USP39: variants seen among roughly 807,000 people sequenced by gnomAD.
USP39 encodes ubiquitin carboxyl-terminal hydrolase 39.
A neutral mutation model predicts 66.4 loss-of-function variants in USP39; 38 were observed. The ratio of observed to expected loss-of-function variants is 0.57; its 90% CI spans 0.44 to 0.75. USP39 has a LOEUF of 0.75. Ranked by LOEUF, USP39 falls within the 30% of genes least tolerant of loss-of-function variation. The probability of loss-of-function intolerance (pLI) is 0.00; values close to 1 mark genes in which losing one functional copy is unlikely to be tolerated. For synonymous variants in USP39, 303 were observed against 274.6 expected, an observed-to-expected ratio of 1.10 and a Z score of -1.02; for missense variants, 608 against 714.4, an observed-to-expected ratio of 0.85 and a Z score of 1.70.
intron 1 of USP39, among the ~76,000 whole-genome samples, chr2:85,618,516 C>G (rs1408707505): frequency 6.7e-6 from 1 of 148,876 alleles, no homozygotes; most frequent in Non-Finnish European, 1.5e-5. Context: ...GAGCTGAGAT[C>G]GCGCCATTGC....
chr2:85,604,232 A>G (rs1343196328), intron 1 of USP39, among the ~76,000 whole-genome samples: 1 of 151,812 alleles, frequency 6.6e-6, no homozygotes, highest in Non-Finnish European at 1.5e-5. Flanking sequence ...TTCTTTTGAG[A>G]CAGAGTTTCA....
chr2:85,619,424 C>A, intron 2 of USP39, 135 bp downstream of exon 2: 1 of 798,628 alleles, frequency 1.3e-6, no homozygotes. Flanking sequence ...TGCTTCTTGC[C>A]ATGTTACTCC....
At chr2:85,633,375 G>C (rs527678728) in intron 6 of USP39, among the ~76,000 whole-genome samples, 2 of 151,908 alleles carry the variant, frequency 1.3e-5, no homozygotes, top group Non-Finnish European at 2.9e-5. Flanking sequence ...CACCCGCCTC[G>C]GCCTCCCAAA....
At chr2:85,609,456 G>A (rs751887839), upstream of USP39, 1 of 1,614,166 alleles carries the variant, frequency 6.2e-7, no homozygotes, top group Admixed American at 1.7e-5. Context: ...TAACTGATGT[G>A]ACCTCTCCAC....
rs769046464 is a variant in USP39, at chr2:85,630,773, A to C, written c.776A>C (p.Tyr259Ser). ...LRNYFLEEDN[Y>S]KNIKRPPGDI... ...AACTACTTTCTGGAAGAAGACAATTATAAGAACATCAAACGTCCTCCAGGG... is the reference window on the plus strand; with the variant it reads ...AACTACTTTCTGGAAGAAGACAATTCTAAGAACATCAAACGTCCTCCAGGG... Residue 259 changes from tyrosine (Y) to serine (S), a missense_variant, in exon 6 of 13, where the codon TAT becomes TCT. Around this residue, in one of 6 missense-constraint regions of USP39, gnomAD observed 33 missense variants for 21.7 expected, o/e 1.52. Coordinates refer to ENST00000323701, the MANE Select transcript of USP39 (RefSeq NM_006590.4). The C allele has an allele frequency of 6.2e-7, 1 of 1,614,224 alleles. No individual in the cohort carries two copies. Among genetic ancestry groups the C allele is most frequent in the South Asian group, 1.1e-5 (1 of 91,092 alleles).
Position 85,641,002 on chromosome 2 carries a change from T to G in USP39, c.1311T>G (p.Phe437Leu). The G allele has an allele frequency of 1.2e-6, 2 of 1,612,304 alleles. No homozygotes were observed. Among genetic ancestry groups the G allele is most frequent in the Non-Finnish European group, 1.7e-6 (2 of 1,179,670 alleles). The change falls in exon 10 of 13, where the codon TTT (phenylalanine) becomes TTG (leucine). Residue 437 changes from phenylalanine (F) to leucine (L), a missense_variant. Around this residue, in one of 6 missense-constraint regions of USP39, gnomAD observed 164 missense variants for 250.3 expected, o/e 0.66. Transcript: ENST00000323701. ...EKEYKTYKENFLKRFQLTKLP... is the reference protein window; with the variant it reads ...EKEYKTYKENLLKRFQLTKLP... ...AATATAAGACTTACAAGGAGAACTT[T>G]CTGAAGCGCTTCCAGCTTACCAAGT...
intron 1 of USP39, among the ~76,000 whole-genome samples, chr2:85,618,252 G>A (rs972293825): frequency 6.8e-6 from 1 of 147,054 alleles, no homozygotes; most frequent in African/African-American, 2.5e-5. Context: ...CACTCACCCA[G>A]CCACTCTTTA....
In USP39 at chr2:85,623,787, G is replaced by A. The variant is rs1427646126; in HGVS notation, c.570+5G>A. The A allele has an allele frequency of 6.2e-7, 1 of 1,607,682 alleles. No individual in the cohort carries two copies. Among genetic ancestry groups the A allele is most frequent in the Non-Finnish European group, 8.5e-7 (1 of 1,177,288 alleles). ...TCCTCATTGGAGGATATCACGGTGT[G>A]TGTCTAAGAGGGTTGGTTTGGGGTC... On this transcript the variant is annotated splice_donor_5th_base_variant and intron_variant, in intron 4 of 12. Transcript: ENST00000323701.
chr2:85,616,095 G>A (rs902050996), upstream of USP39: 49 of 1,350,736 alleles, frequency 3.6e-5, no homozygotes, highest in African/African-American at 4.6e-5. Context: ...GCGACTCGTA[G>A]AGAGTTCGGG....
At position 85,648,735 on chromosome 2, in the gene USP39, T is replaced by C. The variant is rs114410227; in HGVS notation, c.1651-26T>C. ...CTGTTGACTGAATGCCTCCTAGACTTCAGTTTGTGTTTTCATTTCTTACAG... is the reference window on the plus strand; with the variant it reads ...CTGTTGACTGAATGCCTCCTAGACTCCAGTTTGTGTTTTCATTTCTTACAG... On this transcript the variant is annotated intron_variant, in intron 12 of 12. Coordinates refer to ENST00000323701, the MANE Select transcript of USP39 (RefSeq NM_006590.4). 1.2e-3 allele frequency: 1,967 copies of C among 1,613,854 alleles called. 25 individuals are homozygous for C. In the African/African-American group the frequency reaches 0.023, roughly 19 times the overall value.
At chr2:85,611,885 T>A (rs1243107307), upstream of USP39, 40 of 1,596,422 alleles carry the variant, frequency 2.5e-5, no homozygotes, top group Non-Finnish European at 3.1e-5. Context: ...TACCGAGCGA[T>A]CTGGTTCCGT....
At chr2:85,612,363 A>G, upstream of USP39, 1 of 1,536,110 alleles carries the variant, frequency 6.5e-7, no homozygotes, top group Non-Finnish European at 8.7e-7. Flanking sequence ...TTTTCTGGTA[A>G]TAGGATGCTG....
chr2:85,645,444 C>T (rs546405951), intron 11 of USP39, among the ~76,000 whole-genome samples: 4 of 152,130 alleles, frequency 2.6e-5, no homozygotes, highest in Admixed American at 1.3e-4. Context: ...TCACCACGCC[C>T]GGCTAATTTT....
upstream of USP39, chr2:85,611,139 C>G (rs1387152698): frequency 1.3e-5 from 7 of 533,484 alleles, no homozygotes; most frequent in African/African-American, 1.5e-4. Context: ...ACTCGGGAGG[C>G]TAAGGCTGCA....
upstream of USP39, chr2:85,609,521 A>C: frequency 6.2e-7 from 1 of 1,614,208 alleles, no homozygotes. Context: ...TCCAGCTCAG[A>C]GCCTCCACTA....
intron 8 of USP39, among the ~76,000 whole-genome samples, chr2:85,637,870 A>G (rs1429826596): frequency 6.6e-6 from 1 of 150,736 alleles, no homozygotes; most frequent in African/African-American, 2.4e-5. Context: ...CTAATTTTGT[A>G]TTTTTAGTTG....
upstream of USP39, chr2:85,610,360 T>C (rs1387309332): frequency 4.6e-5 from 7 of 152,184 alleles, no homozygotes; most frequent in African/African-American, 1.7e-4. Flanking sequence ...TTATTTACCT[T>C]TGCATCCCTG....
intron 5 of USP39, among the ~76,000 whole-genome samples, chr2:85,629,273 C>T (rs1675125505): frequency 6.6e-6 from 1 of 151,924 alleles, no homozygotes; most frequent in Admixed American, 6.6e-5. Context: ...GTTGGCCTGG[C>T]AGGTCTTGGA....
chr2:85,631,686 T>G lies in USP39; in HGVS notation c.949+740T>G, dbSNP rs1023444275. 2.0e-5 allele frequency among the ~76,000 whole-genome samples: 3 copies of G among 152,186 alleles called. No individual in the cohort carries two copies. In the East Asian group the frequency reaches 5.8e-4, roughly 29 times the overall value. On this transcript the variant is annotated intron_variant, in intron 6 of 12. Coordinates refer to ENST00000323701, the MANE Select transcript of USP39 (RefSeq NM_006590.4). ...TAGCTTTTATTAAACACCTGTCACC[T>G]ATCTTCATTCTTTCGTGTCCCACAT...
Sources: gnomAD v4.1 joint callset for allele counts (sites outside exome capture counted in the v4.1 genomes callset) on GRCh38, gnomAD v4.1.1 for gene constraint, gnomAD v4.1.1 regional missense constraint, MANE v1.5 for transcripts, NCBI Gene and HGNC (gene_info 2026-07-23, HGNC 2026-07-21) for gene names.